Variants in HEATR4 observed in about 807,000 individuals in gnomAD.
HEATR4 encodes the protein HEAT repeat containing 4, also known as HEAT repeat-containing protein 4.
A neutral mutation model predicts 108.8 loss-of-function variants in HEATR4; 95 were observed. That is an observed-to-expected ratio of 0.87 (90% CI 0.74 to 1.04). The LOEUF (loss-of-function observed/expected upper bound fraction) is 1.04. HEATR4 is among the 50% of genes least tolerant of loss of function. The probability of loss-of-function intolerance (pLI) is 0.00; values close to 1 mark genes in which losing one functional copy is unlikely to be tolerated. For synonymous variants in HEATR4, 443 were observed against 459.4 expected (o/e 0.96, Z 0.46); for missense variants, 1,152 against 1,253.8 (o/e 0.92, Z 1.23).
intron 1 of HEATR4, among the ~76,000 whole-genome samples, 157 bp downstream of exon 1, chr14:73,558,594 A>G (rs546253107): frequency 3.9e-4 from 58 of 148,104 alleles, no homozygotes; most frequent in South Asian, 3.5e-3. Context: ...GGACTCAAAC[A>G]GTCCTCCCAC....
chr14:73,524,308 A>ATATATAT (rs1463658661), intron 2 of HEATR4, among the ~76,000 whole-genome samples: 392 of 83,198 alleles, frequency 4.7e-3, no homozygotes, highest in Non-Finnish European at 6.9e-3. Flanking sequence ...AAAAAAAAAA[A>ATATATAT]AAATATATAT....
Position 73,517,882 on chromosome 14 carries a change from A to G in HEATR4, c.1210+1141T>C, listed in dbSNP as rs1887718236. On this transcript the variant is annotated intron_variant, in intron 5 of 17. Coordinates refer to ENST00000553558, the MANE Select transcript of HEATR4 (RefSeq NM_001220484.1). ...GGTGGACAGATCACGAGGTCAAGAG[A>G]TCAAGACCATCCTGGCCAACATGGT... is the stretch of plus-strand genomic sequence containing the variant. Among the ~76,000 whole-genome samples the G allele has an allele frequency of 2.0e-5, 3 of 151,910 alleles. No individual in the cohort carries two copies. The South Asian group carries it at 6.2e-4, about 31-fold the overall frequency.
the HEATR4 span, among the ~76,000 whole-genome samples, chr14:73,583,600 G>T: frequency 6.6e-6 from 1 of 152,024 alleles, no homozygotes. Context: ...TGGTGCCAGA[G>T]CGCCAGAGTG....
At chr14:73,625,958 G>A in the HEATR4 span, among the ~76,000 whole-genome samples, 1 of 152,190 alleles carries the variant, frequency 6.6e-6, no homozygotes, top group East Asian at 1.9e-4. Flanking sequence ...AAATGATGAA[G>A]CATAGAGAAA....
intron 1 of HEATR4, among the ~76,000 whole-genome samples, chr14:73,536,315 A>C (rs1595152130): frequency 1.8e-5 from 2 of 110,760 alleles, no homozygotes; most frequent in South Asian, 5.9e-4. Flanking sequence ...AAAAAAAAAA[A>C]CCACCTCTGG....
chr14:73,496,101 G>T (rs112943342), intron 15 of HEATR4, among the ~76,000 whole-genome samples: 21,627 of 152,098 alleles, frequency 0.14, 2,233 homozygotes, highest in Non-Finnish European at 0.21. Context: ...CTGCACTCCA[G>T]CCTGGGCGAC....
chr14:73,504,076 C>CTTTTT (rs538654870), intron 10 of HEATR4, among the ~76,000 whole-genome samples: 1 of 127,758 alleles, frequency 7.8e-6, no homozygotes, highest in Non-Finnish European at 1.7e-5. Flanking sequence ...TTTTGCATTT[C>CTTTTT]TTTTTTTTTT....
chr14:73,519,212 C>G, intron 4 of HEATR4, 49 bp from the exon 5 acceptor site: 10 of 1,560,442 alleles, frequency 6.4e-6, no homozygotes, highest in Non-Finnish European at 8.7e-6. Flanking sequence ...TCCCTATTTC[C>G]TTTCTCCCTG....
Position 73,492,171 on chromosome 14 carries a change from C to T in HEATR4, c.2844+895G>A, listed in dbSNP as rs759878315. On this transcript the variant is annotated intron_variant, in intron 17 of 17. Coordinates refer to ENST00000553558, the MANE Select transcript of HEATR4 (RefSeq NM_001220484.1). The surrounding 1 kb of genome is among the most constrained non-coding windows in gnomAD (Gnocchi z 4.9). Reference sequence around the variant, plus strand: ...TTCAGTCAGGACGACCTCGGTGAGCCGGTGCTGCAGACCGTGCTGGAACCT... The same window carrying T: ...TTCAGTCAGGACGACCTCGGTGAGCTGGTGCTGCAGACCGTGCTGGAACCT... 6.2e-7 allele frequency: 1 copy of T among 1,613,970 alleles called. No individual in the cohort carries two copies. The highest frequency in any genetic ancestry group is 8.5e-7 in the Non-Finnish European group (1 of 1,179,890).
chr14:73,521,087 G>A, intron 3 of HEATR4, 48 bp from the exon 4 acceptor site: 1 of 1,503,494 alleles, frequency 6.7e-7, no homozygotes, highest in Non-Finnish European at 9.2e-7. Flanking sequence ...AGTAGGAGGT[G>A]GATCCCCCTT....
intron 10 of HEATR4, among the ~76,000 whole-genome samples, chr14:73,504,052 G>A (rs1044603772): frequency 6.6e-6 from 1 of 151,754 alleles, no homozygotes; most frequent in African/African-American, 2.4e-5. Context: ...GATTGAGCTG[G>A]CTTAAGATGA....
chr14:73,623,202 C>G, the HEATR4 span, among the ~76,000 whole-genome samples: 16 of 152,270 alleles, frequency 1.1e-4, no homozygotes, highest in African/African-American at 3.9e-4. Context: ...TGAGCCACCA[C>G]GCCTGGCCTT....
At chr14:73,520,258 GAAGGTGGC>G (rs991217778) in intron 4 of HEATR4, 5 of 152,286 alleles carry the variant, frequency 3.3e-5, no homozygotes, top group African/African-American at 1.2e-4. Context: ...TAGGGACAGG[GAAGGTGGC>G]AAACATTTAC....
chr14:73,595,264 T>G, the HEATR4 span: 1 of 1,613,968 alleles, frequency 6.2e-7, no homozygotes, highest in African/African-American at 1.3e-5. Context: ...TCGTGGACAT[T>G]GTGGATATAA....
Position 73,523,015 on chromosome 14 carries a change from C to T in HEATR4, c.138G>A (p.Val46=), listed in dbSNP as rs777453633. 2 of 1,613,988 alleles carry T rather than the reference C, an allele frequency of 1.2e-6. No individual in the cohort carries two copies. Among genetic ancestry groups the T allele is most frequent in the Admixed American group, 1.7e-5 (1 of 60,010 alleles). ...ACTGTGAGCTGAAGAAGACCATAGG[C>T]ACACTGGAGACAGAGGCACACTCCT... ...GKEECASVSS[V]PMVFFSSQYR... The change falls in exon 3 of 18, where the codon GTG becomes GTA. Residue 46 remains valine (V), a synonymous_variant. Transcript: ENST00000553558.
In HEATR4 at chr14:73,502,902, T is replaced by A. The variant is rs1008304357; in HGVS notation, c.2098A>T (p.Ile700Leu). The A allele has an allele frequency of 1.2e-6, 2 of 1,611,772 alleles. No homozygotes were observed. The highest frequency in any genetic ancestry group is 1.7e-6 in the Non-Finnish European group (2 of 1,178,012). The change falls in exon 11 of 18, where the codon ATA becomes TTA. Residue 700 changes from isoleucine to leucine, a missense_variant. By Grantham distance (5) the Ile-to-Leu change is conservative (BLOSUM62 2). Transcript: ENST00000553558. ...ATGTTGACTGGGTCTTACCTGATTA[T>A]GTCGTGCACCTCTTTCCCGAGGCTC... ...QMSLGKEVHD[I>L]IRVKLGQGNS...
At chr14:73,523,960 C>T (rs1402020402) in intron 2 of HEATR4, among the ~76,000 whole-genome samples, 42 of 152,086 alleles carry the variant, frequency 2.8e-4, no homozygotes, top group Admixed American at 2.8e-3. Context: ...AGTCATCCAG[C>T]ACACCTATTG....
At chr14:73,597,339 C>T in the HEATR4 span, among the ~76,000 whole-genome samples, 1 of 151,928 alleles carries the variant, frequency 6.6e-6, no homozygotes, top group African/African-American at 2.4e-5. Context: ...CCGCCTCGGC[C>T]TCCCAAAGTG....
intron 14 of HEATR4, 119 bp downstream of exon 14, chr14:73,498,036 G>T: frequency 2.3e-6 from 2 of 886,124 alleles, no homozygotes; most frequent in Non-Finnish European, 3.5e-6. Context: ...GAATGTGCAG[G>T]TGAACCAGTG....
Sources: gnomAD v4.1 joint callset for allele counts (sites outside exome capture counted in the v4.1 genomes callset) on GRCh38, gnomAD v4.1.1 for gene constraint, Gnocchi (gnomAD v3.1) non-coding constraint, MANE v1.5 for transcripts, NCBI Gene and HGNC (gene_info 2026-07-23, HGNC 2026-07-21) for gene names.